Variants in CD209 observed in about 807,000 individuals in gnomAD.
The protein encoded by CD209 is CD209 antigen.
Under a neutral mutation model 44.7 loss-of-function variants are expected in CD209, and 31 were observed. The observed-to-expected ratio is 0.69, with a 90% CI of 0.52 to 0.94. CD209 has a LOEUF of 0.94. CD209 is among the 40% of genes least tolerant of loss of function. The pLI, the probability that CD209 is intolerant of heterozygous loss-of-function variation, is 0.00. For missense variants in CD209, 407 were observed against 452.4 expected (o/e 0.90, Z 0.91); for synonymous variants, 173 against 181.3 (o/e 0.95, Z 0.37).
At chr19:7,746,576 G>T in intron 2 of CD209, 45 bp from the exon 3 acceptor site, 1 of 1,589,726 alleles carries the variant, frequency 6.3e-7, no homozygotes, top group Non-Finnish European at 8.6e-7. Flanking sequence ...CCCCACCGGA[G>T]CCTGGCCCAG....
Position 7,742,936 on chromosome 19 carries a change from C to G in CD209, c.*103G>C. 1.0e-6 allele frequency: 1 copy of G among 961,886 alleles called. No homozygotes were observed. Among genetic ancestry groups the G allele is most frequent in the Non-Finnish European group, 1.6e-6 (1 of 613,924 alleles). 59.6% of individuals were successfully genotyped at this position (961,886 alleles called of 1,614,324 possible). A position where few individuals can be genotyped will look rare whatever the true frequency, so the allele number is the denominator to read the frequency against. Reference sequence around the variant, plus strand: ...ACAAGAAGGACAGAATGGGACCCAGCCTTCTAAAGGAGGAAGAATCTGACA... The same window carrying G: ...ACAAGAAGGACAGAATGGGACCCAGGCTTCTAAAGGAGGAAGAATCTGACA... On this transcript the variant is annotated 3_prime_UTR_variant, in exon 7 of 7. Transcript: ENST00000315599.
rs935350761 is a variant in CD209 at position 7,740,021 on chromosome 19, G to A, written c.*3018C>T. 3.9e-5 allele frequency: 6 copies of A among 153,126 alleles called. No homozygotes were observed. Among genetic ancestry groups the A allele is most frequent in the African/African-American group, 1.4e-4 (6 of 41,442 alleles). The allele number at this position is 153,126 out of a possible 1,614,324, so 9.5% of individuals were successfully genotyped here. Reference sequence around the variant, plus strand: ...TGTAGAGAGAAAAATTTATTGCAAGGCAGCCAAGCAAGGACACAGGAGTCT... The same window carrying A: ...TGTAGAGAGAAAAATTTATTGCAAGACAGCCAAGCAAGGACACAGGAGTCT... On this transcript the variant is annotated 3_prime_UTR_variant, in exon 7 of 7. Transcript: ENST00000315599.
chr19:7,741,857 C>T lies in CD209; in HGVS notation c.*1182G>A. The T allele has an allele frequency of 2.1e-6, 1 of 477,372 alleles. No individual in the cohort carries two copies. Among genetic ancestry groups the T allele is most frequent in the Non-Finnish European group, 4.1e-6 (1 of 244,138 alleles). 29.6% of individuals were successfully genotyped at this position (477,372 alleles called of 1,614,324 possible). A position where few individuals can be genotyped will look rare whatever the true frequency, so the allele number is the denominator to read the frequency against. Reference sequence around the variant, plus strand: ...AGAGGGTGGGCCACCACGATGAATACTACAGGCTGCGGGGAAGGAGAACCC... The same window carrying T: ...AGAGGGTGGGCCACCACGATGAATATTACAGGCTGCGGGGAAGGAGAACCC... On this transcript the variant is annotated 3_prime_UTR_variant, in exon 7 of 7. Coordinates refer to ENST00000315599, the MANE Select transcript of CD209 (RefSeq NM_021155.4).
intron 3 of CD209, 66 bp downstream of exon 3, chr19:7,746,394 C>A (rs1404107225): frequency 6.5e-7 from 1 of 1,541,316 alleles, no homozygotes; most frequent in Non-Finnish European, 9.0e-7. Flanking sequence ...ATCTGGCAGC[C>A]CCAGGCTGTG....
rs1599469129 is a variant in CD209 at position 7,741,715 on chromosome 19, T to C, written c.*1324A>G. 1.5e-6 allele frequency: 1 copy of C among 679,564 alleles called. No individual in the cohort carries two copies. The highest frequency in any genetic ancestry group is 2.7e-4 in the Middle Eastern group (1 of 3,668). The allele number at this position is 679,564 out of a possible 1,614,324, so 42.1% of individuals were successfully genotyped here. ...CTCGGTGGAAAATGATGATTTGTGG[T>C]TTATTTGAAATACAACAATGTCCAA... is the stretch of plus-strand genomic sequence containing the variant. On this transcript the variant is annotated 3_prime_UTR_variant, in exon 7 of 7. Transcript: ENST00000315599.
Position 7,746,037 on chromosome 19 carries a change from T to A in CD209, c.229A>T (p.Ile77Phe). The part of the protein sequence containing the change: ...ISQEQSRQDA[I>F]YQNLTQLKAA... Reference sequence around the variant, plus strand: ...TTAAGCTGGGTCAGGTTCTGGTAGATCGCGTCTTGCCTGGATTGTTCCTGA... The same window carrying A: ...TTAAGCTGGGTCAGGTTCTGGTAGAACGCGTCTTGCCTGGATTGTTCCTGA... Residue 77 changes from isoleucine to phenylalanine, a missense_variant, in exon 4 of 7, where the codon ATC becomes TTC. Physicochemically the swap from Ile to Phe is conservative, Grantham distance 21. Coordinates refer to ENST00000315599, the MANE Select transcript of CD209 (RefSeq NM_021155.4). The A allele has an allele frequency of 5.6e-6, 9 of 1,614,244 alleles. No individual in the cohort carries two copies. The highest frequency in any genetic ancestry group is 7.6e-6 in the Non-Finnish European group (9 of 1,180,044).
chr19:7,741,119 AG>A lies in CD209; in HGVS notation c.*1919del. On this transcript the variant is annotated 3_prime_UTR_variant, in exon 7 of 7. Coordinates refer to ENST00000315599, the MANE Select transcript of CD209 (RefSeq NM_021155.4). ...TCCGAAGCAAGCCTGGAGTACAGCG[AG>A]GAAGAAACCTACCAACAGTTCCTAG... The A allele has an allele frequency of 9.5e-7, 1 of 1,057,132 alleles. No homozygotes were observed. Among genetic ancestry groups the A allele is most frequent in the Non-Finnish European group, 1.4e-6 (1 of 711,010 alleles). The allele number at this position is 1,057,132 out of a possible 1,614,324, so 65.5% of individuals were successfully genotyped here.
Position 7,744,953 on chromosome 19 carries a change from A to G in CD209, c.888T>C (p.Ser296=). 6.2e-7 allele frequency: 1 copy of G among 1,614,154 alleles called. No individual in the cohort carries two copies. Residue 296 remains serine, a synonymous_variant, in exon 5 of 7, where the codon AGT becomes AGC. Transcript: ENST00000315599. ...EVGAQLVVIK[S]AEEQNFLQLQ... is the part of the protein sequence containing the mutation. ...CCACCAGGTGTACCTGCTCCTCAGC[A>G]CTTTTGATTACGACGAGCTGGGCCC...
rs562097599 is a variant in CD209 at position 7,741,197 on chromosome 19, C to A, written c.*1842G>T. On this transcript the variant is annotated 3_prime_UTR_variant, in exon 7 of 7. Coordinates refer to ENST00000315599, the MANE Select transcript of CD209 (RefSeq NM_021155.4). ...TTCAAGAACGTGGGGAGAGACTGGG[C>A]GCGGTGGCTCAGGCCTGTAATCCCA... The A allele has an allele frequency of 2.5e-6, 2 of 803,346 alleles. No individual in the cohort carries two copies. The highest frequency in any genetic ancestry group is 3.9e-6 in the Non-Finnish European group (2 of 513,794). The allele number at this position is 803,346 out of a possible 1,614,324, so 49.8% of individuals were successfully genotyped here. A position where few individuals can be genotyped will look rare whatever the true frequency, so the allele number is the denominator to read the frequency against.
Position 7,740,067 on chromosome 19 carries a change from A to G in CD209, c.*2972T>C, listed in dbSNP as rs2033561757. On this transcript the variant is annotated 3_prime_UTR_variant, in exon 7 of 7. Coordinates refer to ENST00000315599, the MANE Select transcript of CD209 (RefSeq NM_021155.4). ...AGTCTGGCCCAAATCTGTCTCTCCA[A>G]GTTGGAGGCTGGGGCAGATTTTATA... 1 of 155,706 alleles carries G rather than the reference A, an allele frequency of 6.4e-6. No homozygotes were observed. Among genetic ancestry groups the G allele is most frequent in the Admixed American group, 6.3e-5 (1 of 15,910 alleles). The allele number at this position is 155,706 out of a possible 1,614,324, so 9.6% of individuals were successfully genotyped here.
rs1174675249 is a variant in CD209 at position 7,742,040 on chromosome 19, C to G, written c.*999G>C. Reference sequence around the variant, plus strand: ...CCGGTGCAGCCGCAGTGAGAACGGCCGGAGCCGTCACAGCCGGAGCCAAAG... The same window carrying G: ...CCGGTGCAGCCGCAGTGAGAACGGCGGGAGCCGTCACAGCCGGAGCCAAAG... On this transcript the variant is annotated 3_prime_UTR_variant, in exon 7 of 7. Transcript: ENST00000315599. The G allele has an allele frequency of 1.7e-5, 5 of 288,358 alleles. No homozygotes were observed. Among genetic ancestry groups the G allele is most frequent in the Non-Finnish European group, 3.6e-5 (5 of 140,374 alleles). The allele number at this position is 288,358 out of a possible 1,614,324, so 17.9% of individuals were successfully genotyped here. A position where few individuals can be genotyped will look rare whatever the true frequency, so the allele number is the denominator to read the frequency against.
Position 7,743,226 on chromosome 19 carries a change from C to T in CD209, c.1028G>A (p.Trp343Ter), listed in dbSNP as rs935520212. The stretch of plus-strand genomic sequence containing the variant: ...AACGTTGTTGGGCTCTCCTCTGTTC[C>T]AATACTGCTTGAAGCTGCAAAGCCC... ...SPLLPSFKQY[W>*]NRGEPNNVGE... The change falls in exon 7 of 7, where the codon TGG (tryptophan) becomes TAG (stop). Residue 343 changes from tryptophan (W) to a stop codon, truncating the protein, a stop_gained. Transcript: ENST00000315599. LOFTEE classifies it low-confidence loss of function (END_TRUNC). 4 of 1,613,952 alleles carry T rather than the reference C, an allele frequency of 2.5e-6. No homozygotes were observed. The highest frequency in any genetic ancestry group is 1.3e-5 in the African/African-American group (1 of 74,916).
Position 7,740,330 on chromosome 19 carries a change from G to T in CD209, c.*2709C>A. The T allele has an allele frequency of 3.9e-6, 2 of 509,566 alleles. No homozygotes were observed. Among genetic ancestry groups the T allele is most frequent in the South Asian group, 4.3e-5 (2 of 46,044 alleles). The allele number at this position is 509,566 out of a possible 1,614,324, so 31.6% of individuals were successfully genotyped here. Reference sequence around the variant, plus strand: ...TGTAACTTGCAACCTGGGGGTCCACGACAACTGAAAAACAACTCGCCATTT... The same window carrying T: ...TGTAACTTGCAACCTGGGGGTCCACTACAACTGAAAAACAACTCGCCATTT... On this transcript the variant is annotated 3_prime_UTR_variant, in exon 7 of 7. Coordinates refer to ENST00000315599, the MANE Select transcript of CD209 (RefSeq NM_021155.4).
Position 7,747,356 on chromosome 19 carries a change from T to C in CD209, c.56A>G (p.Gln19Arg). 2 of 1,614,156 alleles carry C rather than the reference T, an allele frequency of 1.2e-6. No individual in the cohort carries two copies. Among genetic ancestry groups the C allele is most frequent in the South Asian group, 2.2e-5 (2 of 91,092 alleles). The change falls in exon 2 of 7, where the codon CAG (glutamine) becomes CGG (arginine). Residue 19 changes from glutamine (Q) to arginine (R), a missense_variant. By Grantham distance (43) the Gln-to-Arg change is conservative. This residue lies in a region of CD209 where 122 missense variants were observed against 110.3 expected (regional missense o/e 1.11). Transcript: ENST00000315599. ...CTGTCGGAATCCAAGGCCTCTCAGC[T>C]GTTCCTCCTCTGAATGGATAGACGT... ...LQQLGLLEEE[Q>R]LRGLGFRQTR...
rs375473990 is a variant in CD209 at position 7,743,114 on chromosome 19, G to A, written c.1140C>T (p.Ser380=). The A allele has an allele frequency of 1.6e-5, 26 of 1,614,050 alleles. 1 individual carries two copies. Among genetic ancestry groups the A allele is most frequent in the South Asian group, 5.5e-5 (5 of 91,090 alleles). Residue 380 remains serine, a synonymous_variant, in exon 7 of 7, where the codon TCC becomes TCT. Coordinates refer to ENST00000315599, the MANE Select transcript of CD209 (RefSeq NM_021155.4). ...NLAKFWICKK[S]AASCSRDEEQ... is the part of the protein sequence containing the mutation. The stretch of plus-strand genomic sequence containing the variant: ...CTTCATCCCTGGAGCAGGAGGCTGC[G>A]GACTTTTTGCAGATCCAGAATTTGG...
Position 7,745,045 on chromosome 19 carries a change from T to C in CD209, c.796A>G (p.Asn266Asp). The C allele has an allele frequency of 6.2e-7, 1 of 1,614,198 alleles. No homozygotes were observed. Among genetic ancestry groups the C allele is most frequent in the Non-Finnish European group, 8.5e-7 (1 of 1,180,044 alleles). ...TGGGAGTTAGACATGAAGTAACAGT[T>C]TCCTTGGAAGAATGTCCATTCCCAG... The part of the protein sequence containing the change: ...CPWEWTFFQG[N>D]CYFMSNSQRN... Residue 266 changes from asparagine to aspartate, a missense_variant, in exon 5 of 7, where the codon AAC (asparagine) becomes GAC (aspartate). Coordinates refer to ENST00000315599, the MANE Select transcript of CD209 (RefSeq NM_021155.4).
intron 5 of CD209, among the ~76,000 whole-genome samples, chr19:7,744,685 G>A (rs942284635): frequency 6.6e-6 from 1 of 152,252 alleles, no homozygotes; most frequent in African/African-American, 2.4e-5. Context: ...CCTCCAGAGA[G>A]CTGGTTGTTA....
In CD209 at chr19:7,746,058, C is replaced by G; in HGVS notation, c.208G>C (p.Glu70Gln). The G allele has an allele frequency of 1.2e-6, 2 of 1,614,236 alleles. No homozygotes were observed. Among genetic ancestry groups the G allele is most frequent in the Non-Finnish European group, 1.7e-6 (2 of 1,180,042 alleles). ...VSKVPSSISQ[E>Q]QSRQDAIYQN... ...TAGATCGCGTCTTGCCTGGATTGTT[C>G]CTGACTTATGGAGCTGGGGACCTTG... Residue 70 changes from glutamate (E) to glutamine (Q), a missense_variant, in exon 4 of 7, where the codon GAA becomes CAA. Around this residue, in one of 3 missense-constraint regions of CD209, gnomAD observed 122 missense variants for 110.3 expected, o/e 1.11. Transcript: ENST00000315599.
rs2033627035 is a variant in CD209 at position 7,741,869 on chromosome 19, G to A, written c.*1170C>T. 1.1e-5 allele frequency: 5 copies of A among 469,792 alleles called. No individual in the cohort carries two copies. Among genetic ancestry groups the A allele is most frequent in the South Asian group, 9.1e-5 (5 of 55,050 alleles). 29.1% of individuals were successfully genotyped at this position (469,792 alleles called of 1,614,324 possible). On this transcript the variant is annotated 3_prime_UTR_variant, in exon 7 of 7. Coordinates refer to ENST00000315599, the MANE Select transcript of CD209 (RefSeq NM_021155.4). Reference sequence around the variant, plus strand: ...ACCACGATGAATACTACAGGCTGCGGGGAAGGAGAACCCTAGTCCAGACCA... The same window carrying A: ...ACCACGATGAATACTACAGGCTGCGAGGAAGGAGAACCCTAGTCCAGACCA...
Sources: allele counts gnomAD v4.1 joint callset (sites outside exome capture counted in the v4.1 genomes callset), GRCh38; gene constraint gnomAD v4.1.1; regional missense constraint gnomAD v4.1.1; transcripts MANE v1.5; gene names NCBI Gene and HGNC (gene_info 2026-07-23, HGNC 2026-07-21).